The following PCDHGA11 variants were observed in gnomAD, a reference collection of about 807,000 sequenced individuals.
PCDHGA11 encodes the protein protocadherin gamma subfamily A, 11, also known as protocadherin gamma-A11.
Under a neutral mutation model 60.4 loss-of-function variants are expected in PCDHGA11, and 39 were observed. The ratio of observed to expected loss-of-function variants is 0.65; its 90% CI spans 0.50 to 0.84. PCDHGA11 has a LOEUF of 0.84. Ranked by LOEUF, PCDHGA11 falls within the 40% of genes least tolerant of loss-of-function variation. The pLI is 0.00. For synonymous variants in PCDHGA11, 533 were observed against 510.3 expected (o/e 1.04, Z -0.60); for missense variants, 1,165 against 1,197.7 (o/e 0.97, Z 0.40).
rs143138320 is a variant in PCDHGA11 at position 141,489,458 on chromosome 5, G to C, written c.2434-5349G>C. The stretch of plus-strand genomic sequence containing the variant: ...CAATTGGGCTCTGAGGAGAATGGGC[G>C]CTATTTTTCCCTGAGCTTGATGAGT... On this transcript the variant is annotated intron_variant, in intron 1 of 3. Coordinates refer to ENST00000398587, the MANE Select transcript of PCDHGA11 (RefSeq NM_018914.3). The surrounding 1 kb of genome is among the most constrained non-coding windows in gnomAD (Gnocchi z 4.5). 3.7e-6 allele frequency: 6 copies of C among 1,613,924 alleles called. No individual in the cohort carries two copies. The highest frequency in any genetic ancestry group is 5.1e-6 in the Non-Finnish European group (6 of 1,180,000).
intron 1 of PCDHGA11, chr5:141,478,721 C>A: frequency 6.5e-7 from 1 of 1,543,216 alleles, no homozygotes; most frequent in Non-Finnish European, 8.8e-7. Context: ...TGGTGGCCTG[C>A]CAGAGTGTGG....
At chr5:141,445,963 A>G (rs2098483291) in intron 1 of PCDHGA11, among the ~76,000 whole-genome samples, 2 of 152,342 alleles carry the variant, frequency 1.3e-5, no homozygotes, top group South Asian at 2.1e-4. Flanking sequence ...TATATGGAGA[A>G]TTGATTTATG....
chr5:141,478,017 T>C lies in PCDHGA11; in HGVS notation c.2434-16790T>C, dbSNP rs776415195. ...GGTCAAATCAGTACTGCCCGTCCAG[T>C]CCAAGACACAGATTCACCCAGGCAG... On this transcript the variant is annotated intron_variant, in intron 1 of 3. Transcript: ENST00000398587. 15 of 1,613,910 alleles carry C rather than the reference T, an allele frequency of 9.3e-6. No homozygotes were observed. In the African/African-American group the frequency reaches 1.9e-4, roughly 20 times the overall value.
At position 141,431,203 on chromosome 5, in the gene PCDHGA11, T is replaced by C. The variant is rs139061906; in HGVS notation, c.2433+7543T>C. On this transcript the variant is annotated intron_variant, in intron 1 of 3. Coordinates refer to ENST00000398587, the MANE Select transcript of PCDHGA11 (RefSeq NM_018914.3). This position sits in a 1 kb window ranked among gnomAD's most constrained non-coding sequence, Gnocchi z 4.8. ...TAAAAATTAGTGAAAATGCAGCCACTGAGATGCGGTTCCCTCTACCCCACG... is the reference window on the plus strand; with the variant it reads ...TAAAAATTAGTGAAAATGCAGCCACCGAGATGCGGTTCCCTCTACCCCACG... The C allele has an allele frequency of 3.1e-6, 5 of 1,614,116 alleles. No individual in the cohort carries two copies. The highest frequency in any genetic ancestry group is 1.1e-5 in the South Asian group (1 of 91,090).
At chr5:141,461,689 A>G (rs2099020485) in intron 1 of PCDHGA11, among the ~76,000 whole-genome samples, 1 of 152,120 alleles carries the variant, frequency 6.6e-6, no homozygotes, top group Admixed American at 6.6e-5. Context: ...GTTTATTTTG[A>G]GACAGAGTTT....
At chr5:141,465,983 A>G (rs1219092160) in intron 1 of PCDHGA11, among the ~76,000 whole-genome samples, 1 of 151,944 alleles carries the variant, frequency 6.6e-6, no homozygotes, top group East Asian at 1.9e-4. Context: ...TTAGCCGGGC[A>G]TGGTGGCAGG....
chr5:141,469,697 T>G (rs2154570403), intron 1 of PCDHGA11, among the ~76,000 whole-genome samples: 1 of 152,392 alleles, frequency 6.6e-6, no homozygotes, highest in African/African-American at 2.4e-5. Context: ...TCCTATGACC[T>G]AGTAATCACA....
At position 141,430,258 on chromosome 5, in the gene PCDHGA11, A is replaced by G. The variant is rs542653323; in HGVS notation, c.2433+6598A>G. On this transcript the variant is annotated intron_variant, in intron 1 of 3. Coordinates refer to ENST00000398587, the MANE Select transcript of PCDHGA11 (RefSeq NM_018914.3). ...GAGAAACTCCTAGGGAGACATCTCC[A>G]TAATAGGTGTGTTGGGGGAACAGTA... is the stretch of plus-strand genomic sequence containing the variant. Among the ~76,000 whole-genome samples the G allele has an allele frequency of 5.4e-5, 8 of 148,074 alleles. No homozygotes were observed. In the South Asian group the frequency reaches 8.5e-4, roughly 16 times the overall value.
At chr5:141,428,754 T>C (rs932377392) in intron 1 of PCDHGA11, 7 of 154,708 alleles carry the variant, frequency 4.5e-5, no homozygotes, top group African/African-American at 1.4e-4. Context: ...TTGCTTCAGG[T>C]TTGTTTGCCC....
chr5:141,500,641 TA>T (rs1306300025), intron 2 of PCDHGA11, among the ~76,000 whole-genome samples: 4 of 152,346 alleles, frequency 2.6e-5, no homozygotes, highest in Middle Eastern at 3.4e-3. Flanking sequence ...ACTAGTTTTT[TA>T]AAAATAGCAA....
Position 141,490,457 on chromosome 5 carries a change from T to C in PCDHGA11, c.2434-4350T>C. 1 of 1,614,214 alleles carries C rather than the reference T, an allele frequency of 6.2e-7. No homozygotes were observed. Among genetic ancestry groups the C allele is most frequent in the Non-Finnish European group, 8.5e-7 (1 of 1,180,042 alleles). ...AAGCCTTCTGAGAACCACTACTCGC[T>C]GCTAACCAGCCAGCCTTTGGACCGG... On this transcript the variant is annotated intron_variant, in intron 1 of 3. Coordinates refer to ENST00000398587, the MANE Select transcript of PCDHGA11 (RefSeq NM_018914.3). The surrounding 1 kb of genome is among the most constrained non-coding windows in gnomAD (Gnocchi z 5.4).
chr5:141,459,992 C>T (rs1327580257), intron 1 of PCDHGA11, among the ~76,000 whole-genome samples: 1 of 152,126 alleles, frequency 6.6e-6, no homozygotes, highest in Admixed American at 6.5e-5. Flanking sequence ...ACAGGAGAAT[C>T]GCTTGAACCC....
At chr5:141,449,016 C>T (rs2098623330) in intron 1 of PCDHGA11, among the ~76,000 whole-genome samples, 1 of 152,008 alleles carries the variant, frequency 6.6e-6, no homozygotes, top group African/African-American at 2.4e-5. Context: ...TTAACAGTTG[C>T]TTAGCATTCC....
chr5:141,450,592 T>G (rs1403924348), intron 1 of PCDHGA11, among the ~76,000 whole-genome samples: 1 of 151,838 alleles, frequency 6.6e-6, no homozygotes, highest in Non-Finnish European at 1.5e-5. Context: ...GTTCAAGCAA[T>G]TCTCCTGCCT....
At chr5:141,446,221 T>C (rs2098493855) in intron 1 of PCDHGA11, among the ~76,000 whole-genome samples, 1 of 152,164 alleles carries the variant, frequency 6.6e-6, no homozygotes, top group African/African-American at 2.4e-5. Flanking sequence ...AATATTGTTG[T>C]GTTGCCTGGC....
At chr5:141,451,179 T>C (rs1039062167) in intron 1 of PCDHGA11, among the ~76,000 whole-genome samples, 6 of 152,162 alleles carry the variant, frequency 3.9e-5, no homozygotes, top group Non-Finnish European at 8.8e-5. Flanking sequence ...TATTTAGCCA[T>C]TGCTGTGTAA....
In PCDHGA11 at chr5:141,423,740, GA is replaced by G. The variant is rs778655137; in HGVS notation, c.2433+84del. 7 of 698,952 alleles carry G rather than the reference GA, an allele frequency of 1.0e-5. No individual in the cohort carries two copies. The African/African-American group carries it at 1.9e-4, about 19-fold the overall frequency. The allele number at this position is 698,952 out of a possible 1,614,324, so 43.3% of individuals were successfully genotyped here. ...AGGAGATGTTTTTTGAGCCTGTTAT[GA>G]AAACTGTTTGGGGGGGGGGTGGGGC... On this transcript the variant is annotated intron_variant, in intron 1 of 3. Coordinates refer to ENST00000398587, the MANE Select transcript of PCDHGA11 (RefSeq NM_018914.3).
chr5:141,425,337 G>A (rs1327677274), intron 1 of PCDHGA11, among the ~76,000 whole-genome samples: 1 of 152,186 alleles, frequency 6.6e-6, no homozygotes. Flanking sequence ...AAAAAGGAAG[G>A]GTTGGCTTTG....
At position 141,485,480 on chromosome 5, in the gene PCDHGA11, A is replaced by G. The variant is rs535194185; in HGVS notation, c.2434-9327A>G. On this transcript the variant is annotated intron_variant, in intron 1 of 3. Transcript: ENST00000398587. The surrounding 1 kb of genome is among the most constrained non-coding windows in gnomAD (Gnocchi z 5.7). Reference sequence around the variant, plus strand: ...ACTGTGTGGGCTCAGTGCCAGCTGCATCGTGCCCCTGGAGTTTGTCACCGA... The same window carrying G: ...ACTGTGTGGGCTCAGTGCCAGCTGCGTCGTGCCCCTGGAGTTTGTCACCGA... The G allele has an allele frequency of 2.5e-6, 4 of 1,614,154 alleles. No individual in the cohort carries two copies. The South Asian group carries it at 3.3e-5, about 13-fold the overall frequency.
Sources: allele counts gnomAD v4.1 joint callset (sites outside exome capture counted in the v4.1 genomes callset), GRCh38; gene constraint gnomAD v4.1.1; non-coding constraint Gnocchi (gnomAD v3.1); transcripts MANE v1.5; gene names NCBI Gene and HGNC (gene_info 2026-07-23, HGNC 2026-07-21).